The following PODN variants were observed in gnomAD, a reference collection of about 807,000 sequenced individuals.
The protein encoded by PODN is podocan.
Under a neutral mutation model 52.7 loss-of-function variants are expected in PODN, and 40 were observed. That is an observed-to-expected ratio of 0.76 (90% CI 0.59 to 0.99). The LOEUF is 0.99. Among genes scored for constraint, PODN ranks in the 50% least tolerant of loss-of-function variants. The pLI is 0.00. For missense variants in PODN, 720 were observed against 815.1 expected (o/e 0.88, Z 1.42); for synonymous variants, 396 against 377.9 (o/e 1.05, Z -0.56).
chr1:53,063,423 G>C (rs1643988546), intron 1 of PODN: 1 of 985,532 alleles, frequency 1.0e-6, no homozygotes, highest in Admixed American at 6.1e-5. Flanking sequence ...GGTGTGAACC[G>C]GGAGAGCCCC....
At chr1:53,074,025 G>C (rs1239379712) in intron 3 of PODN, among the ~76,000 whole-genome samples, 2 of 152,250 alleles carry the variant, frequency 1.3e-5, no homozygotes, top group Non-Finnish European at 2.9e-5. Context: ...GGAGAGACAT[G>C]CCAGTTTATA....
At position 53,077,226 on chromosome 1, in the gene PODN, C is replaced by T. The variant is rs140508016; in HGVS notation, c.618C>T (p.Ala206=). 98 of 1,613,430 alleles carry T rather than the reference C, an allele frequency of 6.1e-5. No homozygotes were observed. In the Middle Eastern group the frequency reaches 1.3e-3, roughly 22 times the overall value. The change falls in exon 6 of 11, where the codon GCC becomes GCT. Residue 206 remains alanine, a synonymous_variant. Coordinates refer to ENST00000312553, the MANE Select transcript of PODN (RefSeq NM_153703.5). Reference sequence around the variant, plus strand: ...TGCACAACAACAAGCTGGCAGACGCCGGGCTGCCGGACAACATGTTCAACG... The same window carrying T: ...TGCACAACAACAAGCTGGCAGACGCTGGGCTGCCGGACAACATGTTCAACG... ...VYLHNNKLAD[A]GLPDNMFNGS... is the part of the protein sequence containing the mutation.
chr1:53,075,274 G>A (rs1008147255), intron 4 of PODN, among the ~76,000 whole-genome samples: 1 of 152,156 alleles, frequency 6.6e-6, no homozygotes, highest in Non-Finnish European at 1.5e-5. Context: ...ACATCCAGTG[G>A]AAGGAAGCTA....
At position 53,075,948 on chromosome 1, in the gene PODN, C is replaced by T. The variant is rs913423440; in HGVS notation, c.558C>T (p.Thr186=). 6.3e-7 allele frequency: 1 copy of T among 1,597,992 alleles called. No individual in the cohort carries two copies. The highest frequency in any genetic ancestry group is 1.7e-5 in the Admixed American group (1 of 58,634). The part of the protein sequence containing the change: ...ANYLTKIYGL[T]FGQKPNLRSV... ...ATCTCACCAAGATCTATGGGCTCAC[C>T]TTTGGCCAGAAGCCAAACTTGAGGT... The change falls in exon 5 of 11, where the codon ACC becomes ACT. Residue 186 remains threonine, a synonymous_variant. Transcript: ENST00000312553.
intron 2 of PODN, 192 bp from the exon 3 acceptor site, chr1:53,071,343 C>T: frequency 1.7e-6 from 1 of 584,464 alleles, no homozygotes; most frequent in Non-Finnish European, 3.1e-6. Context: ...GTGATCACTG[C>T]TGTGCCCCAG....
At chr1:53,076,532 C>T (rs1644197592) in intron 5 of PODN, among the ~76,000 whole-genome samples, 1 of 152,178 alleles carries the variant, frequency 6.6e-6, no homozygotes, top group Admixed American at 6.5e-5. Context: ...ACCCTTGTTC[C>T]TTGTCTTCCC....
chr1:53,084,272 C>T (rs1644331887), intron 10 of PODN, among the ~76,000 whole-genome samples: 1 of 151,778 alleles, frequency 6.6e-6, no homozygotes, highest in African/African-American at 2.4e-5. Context: ...GAATCTGCCC[C>T]ATCTCAGGTC....
intron 4 of PODN, 137 bp from the exon 5 acceptor site, chr1:53,075,725 A>G: frequency 1.4e-6 from 1 of 693,344 alleles, no homozygotes; most frequent in Non-Finnish European, 2.5e-6. Context: ...AGGGGGTGGG[A>G]CAAGTTTCAA....
At chr1:53,079,094 G>A (rs1258458290) in intron 8 of PODN, 72 bp downstream of exon 8, 3 of 1,431,538 alleles carry the variant, frequency 2.1e-6, no homozygotes, top group Middle Eastern at 2.5e-4. Context: ...GAGCCCACCT[G>A]TCTGAAGGGT....
At chr1:53,068,439 C>T (rs1290914531) in intron 1 of PODN, among the ~76,000 whole-genome samples, 1 of 152,234 alleles carries the variant, frequency 6.6e-6, no homozygotes, top group Non-Finnish European at 1.5e-5. Context: ...GAGGCATCCA[C>T]AGCAGGTCCT....
intron 1 of PODN, among the ~76,000 whole-genome samples, chr1:53,069,550 G>A (rs1531701): frequency 0.048 from 7,379 of 152,296 alleles, 275 homozygotes; most frequent in East Asian, 0.2. Flanking sequence ...TAGGAAATAG[G>A]GGTACAGACT....
At chr1:53,074,393 A>G (rs960386664) in intron 3 of PODN, among the ~76,000 whole-genome samples, 10 of 152,208 alleles carry the variant, frequency 6.6e-5, no homozygotes, top group African/African-American at 2.4e-4. Flanking sequence ...GTCTCTCAGT[A>G]GACAATAACT....
chr1:53,066,889 G>T, intron 1 of PODN: 1 of 1,543,376 alleles, frequency 6.5e-7, no homozygotes, highest in South Asian at 1.2e-5. Flanking sequence ...GGATATGTGA[G>T]ACCAGAGCTC....
At chr1:53,076,079 C>A in intron 5 of PODN, 108 bp downstream of exon 5, 1 of 965,046 alleles carries the variant, frequency 1.0e-6, no homozygotes, top group Non-Finnish European at 1.6e-6. Flanking sequence ...AGGCCCTGCA[C>A]TCAGGGCTGT....
rs533127334 is a variant in PODN at position 53,082,271 on chromosome 1, A to G, written c.*27+83A>G. The G allele has an allele frequency of 3.3e-5, 46 of 1,393,856 alleles. No homozygotes were observed. In the East Asian group the frequency reaches 7.5e-4, roughly 23 times the overall value. The allele number at this position is 1,393,856 out of a possible 1,614,324, so 86.3% of individuals were successfully genotyped here. A position where few individuals can be genotyped will look rare whatever the true frequency, so the allele number is the denominator to read the frequency against. On this transcript the variant is annotated intron_variant, in intron 10 of 10. Coordinates refer to ENST00000312553, the MANE Select transcript of PODN (RefSeq NM_153703.5). The stretch of plus-strand genomic sequence containing the variant: ...ACCCTGGTAGAGGGTCTTTCTGTCC[A>G]TTCTTCACCCTCTCGCCTCTGCTTC...
intron 1 of PODN, among the ~76,000 whole-genome samples, chr1:53,064,799 C>T (rs979795487): frequency 1.8e-4 from 28 of 152,222 alleles, no homozygotes; most frequent in Non-Finnish European, 3.5e-4. Context: ...ATTTCTTAGA[C>T]TAGTTAACAG....
chr1:53,082,172 AT>A lies in PODN; in HGVS notation c.*12del, dbSNP rs1401483172. On this transcript the variant is annotated 3_prime_UTR_variant, in exon 10 of 11. Transcript: ENST00000312553. ...GAGGAAACAAGATAGTGACAAGGTG[AT>A]GCAGATGTGACCTAGGTATGTGGCC... 1.9e-6 allele frequency: 3 copies of A among 1,590,330 alleles called. No individual in the cohort carries two copies. The African/African-American group carries it at 4.0e-5, about 21-fold the overall frequency.
chr1:53,070,030 C>T lies in PODN; in HGVS notation c.175C>T (p.Pro59Ser). 1.9e-6 allele frequency: 3 copies of T among 1,612,894 alleles called. No individual in the cohort carries two copies. Among genetic ancestry groups the T allele is most frequent in the Non-Finnish European group, 2.5e-6 (3 of 1,179,932 alleles). ...EPVLVLSPEE[P>S]GPGPAAVSCP... ...GGTGCTGGTACTGAGCCCTGAGGAG[C>T]CCGGGCCTGGCCCAGCCGCGGTCAG... The change falls in exon 2 of 11, where the codon CCC becomes TCC. Residue 59 changes from proline to serine, a missense_variant. Physicochemically the swap from Pro to Ser is moderately conservative, Grantham distance 74. Coordinates refer to ENST00000312553, the MANE Select transcript of PODN (RefSeq NM_153703.5).
At chr1:53,071,296 G>T (rs1472970848) in intron 2 of PODN, 3 of 455,548 alleles carry the variant, frequency 6.6e-6, no homozygotes, top group Non-Finnish European at 1.2e-5. Flanking sequence ...AGATGTCCAT[G>T]TGTGGGCTCC....
Sources: gnomAD v4.1 joint callset for allele counts (sites outside exome capture counted in the v4.1 genomes callset) on GRCh38, gnomAD v4.1.1 for gene constraint, MANE v1.5 for transcripts, NCBI Gene and HGNC (gene_info 2026-07-23, HGNC 2026-07-21) for gene names.